The following NIBAN1 variants were observed in gnomAD, a reference collection of about 807,000 sequenced individuals.
NIBAN1 encodes the protein niban apoptosis regulator 1, also known as protein Niban 1.
Under a neutral mutation model 75.1 loss-of-function variants are expected in NIBAN1, and 81 were observed. That is an observed-to-expected ratio of 1.08 (90% CI 0.90 to 1.30). NIBAN1 has a LOEUF of 1.30. Ranked by LOEUF, NIBAN1 falls within the 50% of genes most tolerant of loss-of-function variation. NIBAN1 has a pLI of 0.00. For synonymous variants in NIBAN1, 436 were observed against 424.8 expected, an observed-to-expected ratio of 1.03 and a Z score of -0.32; for missense variants, 1,133 against 1,128.1, an observed-to-expected ratio of 1.00 and a Z score of -0.06.
At chr1:184,861,466 A>T (rs143078537) in intron 5 of NIBAN1, among the ~76,000 whole-genome samples, 1 of 151,816 alleles carries the variant, frequency 6.6e-6, no homozygotes, top group South Asian at 2.1e-4. Context: ...AAAGGTGCTG[A>T]TAAGTATTTG....
intron 1 of NIBAN1, among the ~76,000 whole-genome samples, chr1:184,969,108 G>C (rs1658870834): frequency 6.6e-6 from 1 of 152,222 alleles, no homozygotes; most frequent in Non-Finnish European, 1.5e-5. Context: ...TAGTTGCAAA[G>C]GAGTTTGGGA....
chr1:184,959,394 T>C (rs1344090324), intron 1 of NIBAN1, among the ~76,000 whole-genome samples: 3 of 152,358 alleles, frequency 2.0e-5, no homozygotes, highest in East Asian at 3.9e-4. Context: ...TTTCTCATCA[T>C]GTTCACGTTT....
At chr1:184,900,262 C>A (rs1002321166) in intron 1 of NIBAN1, among the ~76,000 whole-genome samples, 1 of 152,116 alleles carries the variant, frequency 6.6e-6, no homozygotes, top group East Asian at 1.9e-4. Flanking sequence ...CAGTATATAA[C>A]CACCACGAGA....
rs902528032 is a variant in NIBAN1 at position 184,894,931 on chromosome 1, T to C, written c.187-725A>G. Among the ~76,000 whole-genome samples, 8 of 152,342 alleles carry C rather than the reference T, an allele frequency of 5.3e-5. No individual in the cohort carries two copies. In the East Asian group the frequency reaches 9.6e-4, roughly 18 times the overall value. ...TAAGGATAATTCCCATCCGGCTTCA[T>C]TGTGTAATTTTCATATTATTTCAAA... is the stretch of plus-strand genomic sequence containing the variant. On this transcript the variant is annotated intron_variant, in intron 2 of 13. Coordinates refer to ENST00000367511, the MANE Select transcript of NIBAN1 (RefSeq NM_052966.4).
intron 5 of NIBAN1, among the ~76,000 whole-genome samples, chr1:184,843,914 C>T (rs1351171192): frequency 6.6e-6 from 1 of 152,240 alleles, no homozygotes; most frequent in African/African-American, 2.4e-5. Context: ...ACCACAGAAA[C>T]TGGGTCACGT....
chr1:184,942,121 T>G (rs1423331607), intron 1 of NIBAN1, among the ~76,000 whole-genome samples: 2 of 152,236 alleles, frequency 1.3e-5, no homozygotes, highest in East Asian at 3.8e-4. Flanking sequence ...TGAGTTATCA[T>G]TTACTCAAAT....
intron 5 of NIBAN1, among the ~76,000 whole-genome samples, chr1:184,835,489 T>C (rs1257213713): frequency 6.6e-6 from 1 of 152,220 alleles, no homozygotes; most frequent in Non-Finnish European, 1.5e-5. Context: ...GGAATGTTCT[T>C]CCATTTGTTT....
intron 6 of NIBAN1, among the ~76,000 whole-genome samples, chr1:184,829,621 A>C (rs1231274948): frequency 6.6e-6 from 1 of 151,738 alleles, no homozygotes; most frequent in Non-Finnish European, 1.5e-5. Flanking sequence ...GACCGCCACC[A>C]TGCCCAGCTA....
At chr1:184,835,118 G>A (rs866887660) in intron 5 of NIBAN1, among the ~76,000 whole-genome samples, 3 of 152,150 alleles carry the variant, frequency 2.0e-5, no homozygotes, top group Non-Finnish European at 2.9e-5. Flanking sequence ...CCCATTTCTT[G>A]TTTTTGTCAG....
chr1:184,817,321 C>T (rs10442607), intron 9 of NIBAN1, among the ~76,000 whole-genome samples: 106,940 of 152,050 alleles, frequency 0.7, 38,741 homozygotes, highest in Middle Eastern at 0.86. Context: ...TGAATAGTGC[C>T]GCAATTAACA....
chr1:184,816,428 G>C (rs1340228689), intron 9 of NIBAN1, among the ~76,000 whole-genome samples: 1 of 152,176 alleles, frequency 6.6e-6, no homozygotes, highest in African/African-American at 2.4e-5. Flanking sequence ...ACTGAAAGTG[G>C]CACTAAGGCC....
chr1:184,974,379 G>A lies in NIBAN1; in HGVS notation c.-23C>T, dbSNP rs773920528. The A allele has an allele frequency of 6.5e-7, 1 of 1,546,454 alleles. No individual in the cohort carries two copies. Among genetic ancestry groups the A allele is most frequent in the Non-Finnish European group, 8.7e-7 (1 of 1,152,182 alleles). The stretch of plus-strand genomic sequence containing the variant: ...CATGACCGCGAGCTGCCTGTGCTGA[G>A]CGCGGAAACTGCCCGGTCCGCGCCC... On this transcript the variant is annotated 5_prime_UTR_variant, in exon 1 of 14. Coordinates refer to ENST00000367511, the MANE Select transcript of NIBAN1 (RefSeq NM_052966.4).
At chr1:184,898,730 G>T (rs1188522038) in intron 2 of NIBAN1, among the ~76,000 whole-genome samples, 1 of 152,194 alleles carries the variant, frequency 6.6e-6, no homozygotes, top group Non-Finnish European at 1.5e-5. Flanking sequence ...CTCCAGGAAG[G>T]CAGAGAACTT....
At chr1:184,811,735 G>A (rs1418411386) in intron 9 of NIBAN1, among the ~76,000 whole-genome samples, 2 of 151,994 alleles carry the variant, frequency 1.3e-5, no homozygotes, top group South Asian at 2.1e-4. Flanking sequence ...CTCACGATCC[G>A]CCCGCCTCGG....
At chr1:184,852,714 T>C (rs1332370196) in intron 5 of NIBAN1, among the ~76,000 whole-genome samples, 1 of 152,234 alleles carries the variant, frequency 6.6e-6, no homozygotes, top group Non-Finnish European at 1.5e-5. Context: ...TAGTTCAACT[T>C]AGGGACATAA....
intron 5 of NIBAN1, among the ~76,000 whole-genome samples, chr1:184,876,150 G>C (rs1348819294): frequency 6.6e-6 from 1 of 150,416 alleles, no homozygotes; most frequent in Non-Finnish European, 1.5e-5. Context: ...TCCAGCTTGG[G>C]TAATAAGAGT....
intron 5 of NIBAN1, among the ~76,000 whole-genome samples, chr1:184,872,183 A>C (rs1037241842): frequency 6.6e-6 from 1 of 152,216 alleles, no homozygotes; most frequent in African/African-American, 2.4e-5. Flanking sequence ...ATATTTTTAA[A>C]AATTGGAAAT....
intron 5 of NIBAN1, among the ~76,000 whole-genome samples, chr1:184,878,807 T>G (rs966170197): frequency 2.6e-5 from 4 of 152,232 alleles, no homozygotes; most frequent in African/African-American, 9.6e-5. Flanking sequence ...TTGGGACAAC[T>G]GGTTCTCAGC....
intron 1 of NIBAN1, among the ~76,000 whole-genome samples, chr1:184,917,017 C>T (rs1295957248): frequency 6.6e-6 from 1 of 152,162 alleles, no homozygotes; most frequent in East Asian, 1.9e-4. Context: ...TCTGCCCAGC[C>T]AATATCTAGC....
Sources: gnomAD v4.1 joint callset for allele counts (sites outside exome capture counted in the v4.1 genomes callset) on GRCh38, gnomAD v4.1.1 for gene constraint, MANE v1.5 for transcripts, NCBI Gene and HGNC (gene_info 2026-07-23, HGNC 2026-07-21) for gene names.